The following CTNNA3 variants were observed in gnomAD, a reference collection of about 807,000 sequenced individuals.
CTNNA3 encodes the protein catenin alpha-3.
Under a neutral mutation model 95.7 loss-of-function variants are expected in CTNNA3, and 76 were observed. That is an observed-to-expected ratio of 0.79 (90% CI 0.66 to 0.96). The LOEUF is 0.96. CTNNA3 is among the 40% of genes least tolerant of loss of function. The pLI, the probability that CTNNA3 is intolerant of heterozygous loss-of-function variation, is 0.00. For missense variants in CTNNA3, 1,191 were observed against 1,089.8 expected (o/e 1.09, Z -1.31); for synonymous variants, 431 against 374.4 (o/e 1.15, Z -1.74).
intron 15 of CTNNA3, among the ~76,000 whole-genome samples, chr10:66,002,822 C>A (rs2078796575): frequency 6.6e-6 from 1 of 152,164 alleles, no homozygotes; most frequent in Non-Finnish European, 1.5e-5. Flanking sequence ...TACAAAGGCT[C>A]ATGTAACTGC....
At chr10:66,347,963 C>G (rs1022785832) in intron 12 of CTNNA3, among the ~76,000 whole-genome samples, 2 of 152,014 alleles carry the variant, frequency 1.3e-5, no homozygotes, top group African/African-American at 4.8e-5. Flanking sequence ...AGTTCACAAA[C>G]AGGAGGCAAT....
intron 17 of CTNNA3, among the ~76,000 whole-genome samples, chr10:65,929,154 CT>C (rs1213942923): frequency 6.6e-6 from 1 of 151,820 alleles, no homozygotes; most frequent in Non-Finnish European, 1.5e-5. Context: ...CGATAGTTTA[CT>C]GAGAATGATG....
Position 67,506,963 on chromosome 10 carries a change from C to T in CTNNA3, c.579+14879G>A, listed in dbSNP as rs565280232. 5.9e-5 allele frequency among the ~76,000 whole-genome samples: 9 copies of T among 152,220 alleles called. No homozygotes were observed. In the South Asian group the frequency reaches 1.7e-3, roughly 28 times the overall value. On this transcript the variant is annotated intron_variant, in intron 5 of 17. Transcript: ENST00000433211. ...ATGACATTTTTACTCTTCTTCAGCT[C>T]CCTGTACCTTAGTCTCAGCTGTTCC...
intron 14 of CTNNA3, among the ~76,000 whole-genome samples, chr10:66,102,032 G>A (rs147067406): frequency 1.1e-3 from 171 of 152,000 alleles, no homozygotes; most frequent in South Asian, 4.8e-3. Context: ...TTAACCAAAC[G>A]GGTCTTTGCT....
intron 7 of CTNNA3, among the ~76,000 whole-genome samples, chr10:67,024,692 T>G (rs1853243276): frequency 6.6e-6 from 1 of 152,214 alleles, no homozygotes; most frequent in African/African-American, 2.4e-5. Context: ...TCATTGATCT[T>G]GTTAATGCTC....
intron 5 of CTNNA3, among the ~76,000 whole-genome samples, chr10:67,227,038 A>G (rs1864952748): frequency 1.3e-5 from 2 of 152,098 alleles, no homozygotes; most frequent in South Asian, 4.1e-4. Flanking sequence ...AAAGGGGTGG[A>G]AAAAGGTATT....
At chr10:66,362,513 C>CCA in intron 12 of CTNNA3, among the ~76,000 whole-genome samples, 1 of 151,814 alleles carries the variant, frequency 6.6e-6, no homozygotes, top group African/African-American at 2.4e-5. Flanking sequence ...GAGTTTGAGA[C>CCA]TGGCCTGGCC....
At chr10:66,141,264 T>C (rs61858403) in intron 13 of CTNNA3, among the ~76,000 whole-genome samples, 17 of 145,944 alleles carry the variant, frequency 1.2e-4, no homozygotes, top group African/African-American at 2.5e-4. Context: ...CTGTCTCAGA[T>C]TAAAAAAAAA....
intron 1 of CTNNA3, among the ~76,000 whole-genome samples, chr10:67,743,419 G>T (rs1222698707): frequency 6.6e-6 from 1 of 151,248 alleles, no homozygotes; most frequent in Non-Finnish European, 1.5e-5. Flanking sequence ...AATCTCAATA[G>T]ATGCAGAAAA....
At chr10:67,724,547 A>G (rs763881970) in intron 1 of CTNNA3, among the ~76,000 whole-genome samples, 2 of 152,148 alleles carry the variant, frequency 1.3e-5, no homozygotes, top group Non-Finnish European at 2.9e-5. Flanking sequence ...CCAAAGCCAC[A>G]GATGATACAG....
intron 1 of CTNNA3, among the ~76,000 whole-genome samples, chr10:67,734,264 C>T (rs1278643906): frequency 6.6e-6 from 1 of 152,116 alleles, no homozygotes. Context: ...AAGCTCCTGA[C>T]TGTGGTCAGA....
intron 15 of CTNNA3, among the ~76,000 whole-genome samples, chr10:66,002,865 C>A (rs1001615070): frequency 4.6e-5 from 7 of 152,132 alleles, no homozygotes; most frequent in African/African-American, 1.4e-4. Flanking sequence ...CTATTCCGTT[C>A]GGGAAAGAAA....
intron 1 of CTNNA3, among the ~76,000 whole-genome samples, chr10:67,737,679 G>T (rs1005550110): frequency 1.3e-5 from 2 of 152,158 alleles, no homozygotes; most frequent in Non-Finnish European, 2.9e-5. Context: ...GGCCATCAGA[G>T]AAATGCAAAT....
intron 7 of CTNNA3, among the ~76,000 whole-genome samples, chr10:66,844,741 G>T (rs976090999): frequency 1.3e-5 from 2 of 152,168 alleles, no homozygotes; most frequent in Non-Finnish European, 2.9e-5. Context: ...CAGAGTTGAT[G>T]ATTTACAATG....
intron 5 of CTNNA3, among the ~76,000 whole-genome samples, chr10:67,262,720 G>A (rs1292705936): frequency 6.6e-6 from 1 of 151,920 alleles, no homozygotes; most frequent in Non-Finnish European, 1.5e-5. Flanking sequence ...GACAAAAAGG[G>A]GAACAAATTA....
chr10:67,211,048 T>C (rs1355840257), intron 6 of CTNNA3, among the ~76,000 whole-genome samples: 2 of 152,204 alleles, frequency 1.3e-5, no homozygotes, highest in African/African-American at 4.8e-5. Flanking sequence ...ATTTATGGTA[T>C]TCTTATCTCC....
chr10:67,220,262 C>T (rs1427781999), intron 5 of CTNNA3, among the ~76,000 whole-genome samples: 1 of 152,186 alleles, frequency 6.6e-6, no homozygotes, highest in Non-Finnish European at 1.5e-5. Flanking sequence ...TTGCATTTAA[C>T]CTCTCCGTTA....
chr10:67,222,310 G>A (rs1275969234), intron 5 of CTNNA3, among the ~76,000 whole-genome samples: 2 of 152,100 alleles, frequency 1.3e-5, no homozygotes, highest in South Asian at 2.1e-4. Context: ...GGCTTGCTAC[G>A]ATTTCCCCCT....
intron 10 of CTNNA3, 87 bp downstream of exon 10, chr10:66,621,593 AAAAAAAAAAAAG>A (rs1274448302): frequency 4.0e-6 from 2 of 502,250 alleles, no homozygotes; most frequent in South Asian, 8.0e-5. Flanking sequence ...CCTGGTCTCA[AAAAAAAAAAAAG>A]AAAAAAAAAT....
Sources: allele counts gnomAD v4.1 joint callset (sites outside exome capture counted in the v4.1 genomes callset), GRCh38; gene constraint gnomAD v4.1.1; transcripts MANE v1.5; gene names NCBI Gene and HGNC (gene_info 2026-07-23, HGNC 2026-07-21).